Variants in CDS2 observed in about 807,000 individuals in gnomAD.
CDS2 encodes CDP-diacylglycerol synthase 2, also known as phosphatidate cytidylyltransferase 2.
CDS2 carries 47 observed loss-of-function variants against 59.0 expected under a neutral mutation model. The observed-to-expected ratio is 0.80, with a 90% CI of 0.63 to 1.02. CDS2 has a LOEUF of 1.02. CDS2 is among the 50% of genes least tolerant of loss of function. The probability of loss-of-function intolerance (pLI) is 0.00; values close to 1 mark genes in which losing one functional copy is unlikely to be tolerated. For missense variants in CDS2, 356 were observed against 558.9 expected (o/e 0.64, Z 3.66); for synonymous variants, 207 against 206.4 (o/e 1.00, Z -0.02).
intron 1 of CDS2, among the ~76,000 whole-genome samples, chr20:5,144,583 C>T (rs536110721): frequency 6.6e-6 from 1 of 152,286 alleles, no homozygotes; most frequent in African/African-American, 2.4e-5. Context: ...ATTTGACATA[C>T]TTACCAAAAT....
chr20:5,145,289 A>G (rs1320469618), intron 1 of CDS2, among the ~76,000 whole-genome samples: 1 of 122,480 alleles, frequency 8.2e-6, no homozygotes, highest in Non-Finnish European at 1.6e-5. Context: ...GTTCCATTCT[A>G]GCGCTCAATA....
intron 1 of CDS2, among the ~76,000 whole-genome samples, chr20:5,160,153 G>A (rs1452610620): frequency 1.3e-5 from 2 of 152,220 alleles, no homozygotes; most frequent in African/African-American, 4.8e-5. Flanking sequence ...TTAAAAGGCA[G>A]AGTAGTAACT....
intron 1 of CDS2, among the ~76,000 whole-genome samples, chr20:5,136,660 T>A (rs1283088992): frequency 3.3e-5 from 5 of 152,178 alleles, no homozygotes; most frequent in Admixed American, 6.5e-5. Flanking sequence ...CATCTTGTTC[T>A]TTGTATCTTT....
chr20:5,133,413 C>T (rs1033957107), intron 1 of CDS2, among the ~76,000 whole-genome samples: 21 of 152,016 alleles, frequency 1.4e-4, no homozygotes, highest in Non-Finnish European at 2.8e-4. Context: ...CCATGGCACC[C>T]GGCTTGAGGT....
At chr20:5,139,892 G>A (rs1388440602) in intron 1 of CDS2, among the ~76,000 whole-genome samples, 4 of 150,052 alleles carry the variant, frequency 2.7e-5, no homozygotes, top group African/African-American at 7.4e-5. Flanking sequence ...TCCACCTCCC[G>A]GGTTCAAGCA....
chr20:5,127,261 G>A, intron 1 of CDS2, 112 bp downstream of exon 1: 3 of 984,280 alleles, frequency 3.0e-6, no homozygotes, highest in Non-Finnish European at 4.1e-6. Flanking sequence ...CGCAGCCGAC[G>A]GCGGCCCCGG....
At chr20:5,132,102 A>AT (rs1231877225) in intron 1 of CDS2, among the ~76,000 whole-genome samples, 5,467 of 146,124 alleles carry the variant, frequency 0.037, 315 homozygotes, top group African/African-American at 0.12. Context: ...TTCAATTTTA[A>AT]TTTTTTTTTT....
intron 1 of CDS2, among the ~76,000 whole-genome samples, chr20:5,141,520 TG>T (rs2090693762): frequency 6.6e-6 from 1 of 152,170 alleles, no homozygotes; most frequent in South Asian, 2.1e-4. Context: ...GCTCTTGCAA[TG>T]GGGACTCTTC....
intron 1 of CDS2, among the ~76,000 whole-genome samples, chr20:5,170,160 T>C (rs1460404632): frequency 6.6e-6 from 1 of 152,104 alleles, no homozygotes; most frequent in Non-Finnish European, 1.5e-5. Context: ...GTGTCATGAG[T>C]GTCAGAGCTG....
chr20:5,141,376 G>T (rs537170431), intron 1 of CDS2, among the ~76,000 whole-genome samples: 1 of 152,278 alleles, frequency 6.6e-6, no homozygotes, highest in South Asian at 2.1e-4. Flanking sequence ...TCTATAAAAG[G>T]CTTTAGAGGA....
At chr20:5,142,428 CAG>C (rs1458413793) in intron 1 of CDS2, among the ~76,000 whole-genome samples, 1 of 151,284 alleles carries the variant, frequency 6.6e-6, no homozygotes, top group Non-Finnish European at 1.5e-5. Context: ...ACCTGGGTAA[CAG>C]AGCAAGACTC....
intron 3 of CDS2, chr20:5,176,299 G>A (rs540725355): frequency 1.0e-5 from 2 of 196,694 alleles, no homozygotes; most frequent in Non-Finnish European, 1.1e-5. Flanking sequence ...GCTCACGCCT[G>A]TAATCCTAGC....
intron 1 of CDS2, among the ~76,000 whole-genome samples, chr20:5,170,014 G>A (rs1208353178): frequency 6.6e-6 from 1 of 152,148 alleles, no homozygotes; most frequent in African/African-American, 2.4e-5. Flanking sequence ...TCAGGGGAGT[G>A]CGGCAGGCAC....
intron 1 of CDS2, among the ~76,000 whole-genome samples, chr20:5,129,817 G>A (rs1303917385): frequency 6.6e-6 from 1 of 151,440 alleles, no homozygotes; most frequent in Non-Finnish European, 1.5e-5. Flanking sequence ...CTGACTTCGT[G>A]ATCTGCCCGC....
intron 1 of CDS2, among the ~76,000 whole-genome samples, chr20:5,142,559 A>G (rs2090703606): frequency 1.3e-5 from 2 of 152,184 alleles, no homozygotes; most frequent in African/African-American, 4.8e-5. Context: ...TGAATATTGG[A>G]TATTTAAAAT....
chr20:5,137,309 T>C lies in CDS2; in HGVS notation c.57+10160T>C, dbSNP rs141381374. On this transcript the variant is annotated intron_variant, in intron 1 of 12. Transcript: ENST00000460006. Reference sequence around the variant, plus strand: ...CCCAGGCTGGAGTGCAGTAGCGTGATCTCGGCTCACTGCAGCCTCCGCCTC... The same window carrying C: ...CCCAGGCTGGAGTGCAGTAGCGTGACCTCGGCTCACTGCAGCCTCCGCCTC... 9.5e-3 allele frequency among the ~76,000 whole-genome samples: 1,441 copies of C among 151,286 alleles called. 30 individuals carry two copies. The highest frequency in any genetic ancestry group is 0.033 in the African/African-American group (1,361 of 41,188).
At chr20:5,145,870 C>T (rs2090739252) in intron 1 of CDS2, among the ~76,000 whole-genome samples, 1 of 144,402 alleles carries the variant, frequency 6.9e-6, no homozygotes, top group African/African-American at 2.6e-5. Flanking sequence ...GTTGCCCAGG[C>T]TAGAGTTCAG....
intron 1 of CDS2, among the ~76,000 whole-genome samples, chr20:5,151,409 T>A (rs2090788230): frequency 6.6e-6 from 1 of 152,214 alleles, no homozygotes; most frequent in Non-Finnish European, 1.5e-5. Flanking sequence ...TACTAAGATG[T>A]ACTAAATTAC....
intron 10 of CDS2, 82 bp from the exon 11 acceptor site, chr20:5,188,985 A>C: frequency 6.3e-7 from 1 of 1,576,112 alleles, no homozygotes; most frequent in Non-Finnish European, 8.7e-7. Context: ...AATGAGGATC[A>C]AATTTCAACA....
Sources: allele counts gnomAD v4.1 joint callset (sites outside exome capture counted in the v4.1 genomes callset), GRCh38; gene constraint gnomAD v4.1.1; transcripts MANE v1.5; gene names NCBI Gene and HGNC (gene_info 2026-07-23, HGNC 2026-07-21).